R3HDM2: variants seen among roughly 807,000 people sequenced by gnomAD.
R3HDM2 encodes R3H domain containing 2, also known as R3H domain-containing protein 2.
Under a neutral mutation model 124.5 loss-of-function variants are expected in R3HDM2, and 38 were observed. The ratio of observed to expected loss-of-function variants is 0.31; its 90% CI spans 0.24 to 0.40. R3HDM2 has a LOEUF of 0.40. Among genes scored for constraint, R3HDM2 ranks in the 10% least tolerant of loss-of-function variants. The pLI is 1.00. For missense variants in R3HDM2, 869 were observed against 1,236.9 expected, an observed-to-expected ratio of 0.70 and a Z score of 4.46; for synonymous variants, 391 against 448.0, an observed-to-expected ratio of 0.87 and a Z score of 1.61.
intron 1 of R3HDM2, among the ~76,000 whole-genome samples, chr12:57,419,445 C>T (rs894114385): frequency 2.8e-4 from 41 of 144,062 alleles, no homozygotes; most frequent in African/African-American, 8.9e-4. Flanking sequence ...ATCTGGCCAT[C>T]TTTTTTTTTT....
At chr12:57,353,076 AAAG>A (rs1279648373) in intron 2 of R3HDM2, among the ~76,000 whole-genome samples, 1 of 152,200 alleles carries the variant, frequency 6.6e-6, no homozygotes, top group Non-Finnish European at 1.5e-5. Flanking sequence ...ACCTCAGCAT[AAAG>A]AAGGATTTCT....
chr12:57,344,913 A>C (rs1297220491), intron 2 of R3HDM2, among the ~76,000 whole-genome samples: 1 of 151,558 alleles, frequency 6.6e-6, no homozygotes, highest in East Asian at 1.9e-4. Context: ...CGCAACCTCC[A>C]CCTTTCCACC....
chr12:57,299,328 T>C, intron 6 of R3HDM2, 24 bp downstream of exon 6: 2 of 1,538,586 alleles, frequency 1.3e-6, no homozygotes, highest in Non-Finnish European at 1.8e-6. Flanking sequence ...CTAGAACAGA[T>C]GAGAGATGGG....
At chr12:57,263,460 G>A (rs534062467) in intron 19 of R3HDM2, among the ~76,000 whole-genome samples, 4 of 152,210 alleles carry the variant, frequency 2.6e-5, no homozygotes, top group Non-Finnish European at 4.4e-5. Context: ...GTATGAAGGC[G>A]GAAGTCATTG....
chr12:57,290,395 A>T (rs1260262182), intron 11 of R3HDM2, among the ~76,000 whole-genome samples: 2 of 152,196 alleles, frequency 1.3e-5, no homozygotes, highest in African/African-American at 4.8e-5. Context: ...TAGACTCTGG[A>T]GCCAGGCTGA....
Position 57,296,479 on chromosome 12 carries a change from A to G in R3HDM2, c.633T>C (p.Phe211=), listed in dbSNP as rs1185581841. Residue 211 remains phenylalanine (F), a synonymous_variant, in exon 9 of 24, where the codon TTT becomes TTC. Transcript: ENST00000402412. The surrounding 1 kb of genome is among the most constrained non-coding windows in gnomAD (Gnocchi z 4.5). ...RMLLHRVAAY[F]GMDHNVDQTG... is the part of the protein sequence containing the mutation. ...TTTGATCAACATTGTGGTCCATCCC[A>G]AAATAGGCAGCTACCCGGTGTAATA... The G allele has an allele frequency of 3.2e-6, 5 of 1,552,104 alleles. No individual in the cohort carries two copies. The highest frequency in any genetic ancestry group is 3.9e-5 in the Admixed American group (2 of 50,994).
intron 2 of R3HDM2, among the ~76,000 whole-genome samples, chr12:57,320,476 G>C (rs2056251626): frequency 6.6e-6 from 1 of 151,992 alleles, no homozygotes; most frequent in South Asian, 2.1e-4. Context: ...GGAGGGCCTA[G>C]ATGTGTGCTT....
chr12:57,315,430 G>A (rs569489794), intron 2 of R3HDM2, among the ~76,000 whole-genome samples: 1 of 152,242 alleles, frequency 6.6e-6, no homozygotes, highest in South Asian at 2.1e-4. Context: ...ACCTGCCTTG[G>A]CCTTCCAAAG....
At chr12:57,326,509 A>C (rs183761407) in intron 2 of R3HDM2, among the ~76,000 whole-genome samples, 76 of 152,354 alleles carry the variant, frequency 5.0e-4, no homozygotes, top group Admixed American at 7.2e-4. Context: ...AAGCTGCAGA[A>C]GAAAAGTTTG....
At chr12:57,399,966 G>C (rs1007980674) in intron 1 of R3HDM2, among the ~76,000 whole-genome samples, 18 of 152,196 alleles carry the variant, frequency 1.2e-4, no homozygotes, top group Non-Finnish European at 2.2e-4. Context: ...ACAAGTCACT[G>C]ACTTGCCAAA....
intron 2 of R3HDM2, among the ~76,000 whole-genome samples, chr12:57,384,046 G>A (rs1031258133): frequency 2.0e-5 from 3 of 152,096 alleles, no homozygotes; most frequent in African/African-American, 7.2e-5. Context: ...TCTAGGATAA[G>A]TAATATTTAG....
At chr12:57,418,470 G>T in intron 1 of R3HDM2, 1 of 306,888 alleles carries the variant, frequency 3.3e-6, no homozygotes, top group Non-Finnish European at 4.8e-6. Context: ...GACATGTAGT[G>T]ACAGTGGAAA....
At chr12:57,302,250 C>T (rs909077424) in intron 4 of R3HDM2, among the ~76,000 whole-genome samples, 3 of 151,274 alleles carry the variant, frequency 2.0e-5, no homozygotes, top group African/African-American at 7.3e-5. Flanking sequence ...CACTGCACTC[C>T]GGCTACAGAG....
intron 2 of R3HDM2, among the ~76,000 whole-genome samples, chr12:57,324,147 T>G (rs1302441503): frequency 6.6e-6 from 1 of 152,184 alleles, no homozygotes; most frequent in Non-Finnish European, 1.5e-5. Flanking sequence ...CCGATGACCT[T>G]AGAAAGGACA....
chr12:57,372,240 T>C (rs2063473976), intron 2 of R3HDM2, among the ~76,000 whole-genome samples: 1 of 152,144 alleles, frequency 6.6e-6, no homozygotes, highest in Non-Finnish European at 1.5e-5. Flanking sequence ...GAACCAGGTA[T>C]GTCATCCAAG....
chr12:57,375,580 A>G (rs2063943193), intron 2 of R3HDM2, among the ~76,000 whole-genome samples: 1 of 152,120 alleles, frequency 6.6e-6, no homozygotes. Context: ...TCTAGACTCT[A>G]TGAGTAAATA....
chr12:57,374,844 AAAAT>A (rs1399233841), intron 2 of R3HDM2, among the ~76,000 whole-genome samples: 1 of 150,774 alleles, frequency 6.6e-6, no homozygotes. Flanking sequence ...ATACAAAAAA[AAAAT>A]AGTCGGGCGT....
At position 57,283,940 on chromosome 12, in the gene R3HDM2, C is replaced by G; in HGVS notation, c.1055G>C (p.Arg352Pro). The G allele has an allele frequency of 6.2e-7, 1 of 1,614,076 alleles. No individual in the cohort carries two copies. The highest frequency in any genetic ancestry group is 8.5e-7 in the Non-Finnish European group (1 of 1,180,008). ...TTTGGTGACAGGGGGTCGCATGCTC[C>G]GGACAGAGCCATCAGAGTCTGTGCT... ...WSSTDSDGSV[R>P]SMRPPVTKAS... The change falls in exon 13 of 24, where the codon CGG becomes CCG. Residue 352 changes from arginine to proline, a missense_variant. Transcript: ENST00000402412.
intron 1 of R3HDM2, among the ~76,000 whole-genome samples, chr12:57,421,554 G>A (rs2070201118): frequency 6.6e-6 from 1 of 151,098 alleles, no homozygotes; most frequent in African/African-American, 2.4e-5. Flanking sequence ...TGCTCAGGCT[G>A]GAGTGCAATG....
Sources: gnomAD v4.1 joint callset for allele counts (sites outside exome capture counted in the v4.1 genomes callset) on GRCh38, gnomAD v4.1.1 for gene constraint, Gnocchi (gnomAD v3.1) non-coding constraint, MANE v1.5 for transcripts, NCBI Gene and HGNC (gene_info 2026-07-23, HGNC 2026-07-21) for gene names.